The following ABCA3 variants were observed in gnomAD, a reference collection of about 807,000 sequenced individuals.
ABCA3 encodes the protein phospholipid-transporting ATPase ABCA3.
In ABCA3, 88 loss-of-function variants were observed where a neutral mutation model predicts 172.8. That is an observed-to-expected ratio of 0.51 (90% CI 0.43 to 0.61). The LOEUF (loss-of-function observed/expected upper bound fraction) is 0.61. Ranked by LOEUF, ABCA3 falls within the 20% of genes least tolerant of loss-of-function variation. The pLI is 0.00. For missense variants in ABCA3, 2,164 were observed against 2,301.0 expected (o/e 0.94, Z 1.22); for synonymous variants, 1,066 against 983.8 (o/e 1.08, Z -1.56).
chr16:2,303,871 G>A (rs1286942798), intron 12 of ABCA3, 98 bp downstream of exon 12: 3 of 1,374,138 alleles, frequency 2.2e-6, no homozygotes, highest in African/African-American at 2.9e-5. Context: ...CCACGCAGGT[G>A]CTGCATGCTG....
chr16:2,283,500 G>A lies in ABCA3; in HGVS notation c.3863-142C>T, dbSNP rs2093658270. ...CCATGGGGAGATGTGAAGGCCAGTA[G>A]GTCACAGCTGCCTCTCGAGGCACCA... On this transcript the variant is annotated intron_variant, in intron 25 of 32. Coordinates refer to ENST00000301732, the MANE Select transcript of ABCA3 (RefSeq NM_001089.3). This position sits in a 1 kb window ranked among gnomAD's most constrained non-coding sequence, Gnocchi z 5.4. 2 of 926,966 alleles carry A rather than the reference G, an allele frequency of 2.2e-6. No individual in the cohort carries two copies. The highest frequency in any genetic ancestry group is 3.3e-5 in the African/African-American group (2 of 59,890). The allele number at this position is 926,966 out of a possible 1,614,324, so 57.4% of individuals were successfully genotyped here. A position where few individuals can be genotyped will look rare whatever the true frequency, so the allele number is the denominator to read the frequency against.
At chr16:2,324,895 C>G (rs323058) in intron 5 of ABCA3, among the ~76,000 whole-genome samples, 140,484 of 152,196 alleles carry the variant, frequency 0.92, 65,890 homozygotes, top group East Asian at 1. Context: ...TGTGTTTTTA[C>G]AAATGGAGTG....
chr16:2,288,212 C>T lies in ABCA3; in HGVS notation c.2818G>A (p.Ala940Thr). 2 of 1,600,032 alleles carry T rather than the reference C, an allele frequency of 1.2e-6. No homozygotes were observed. The highest frequency in any genetic ancestry group is 1.7e-6 in the Non-Finnish European group (2 of 1,173,318). Residue 940 changes from alanine to threonine, a missense_variant, in exon 21 of 33, where the codon GCC becomes ACC. This residue lies in a region of ABCA3 where 1,343 missense variants were observed against 1,369.6 expected (regional missense o/e 0.98). Transcript: ENST00000301732. ...GAGGAGTAGTTGATGGCCAGGAGGG[C>T]CAGGGTGACGCAGGTCAGAGGCACC... is the stretch of plus-strand genomic sequence containing the variant. ...VLVPLTCVTLALLAINYSSEL... is the reference protein window; with the variant it reads ...VLVPLTCVTLTLLAINYSSEL...
intron 1 of ABCA3, among the ~76,000 whole-genome samples, chr16:2,338,007 G>A (rs1430204135): frequency 6.6e-6 from 1 of 152,190 alleles, no homozygotes; most frequent in Non-Finnish European, 1.5e-5. Flanking sequence ...CTCTGCTACT[G>A]CCTGTTTCCC....
chr16:2,326,345 C>G, intron 4 of ABCA3, 68 bp downstream of exon 4: 1 of 1,611,590 alleles, frequency 6.2e-7, no homozygotes, highest in Non-Finnish European at 8.5e-7. Context: ...CAGCCCTTCC[C>G]TCAAGGGCAT....
rs1237877043 is a variant in ABCA3 at position 2,328,006 on chromosome 16, C to T, written c.-27+447G>A. 2.6e-5 allele frequency among the ~76,000 whole-genome samples: 4 copies of T among 152,298 alleles called. No homozygotes were observed. The East Asian group carries it at 7.7e-4, about 29-fold the overall frequency. ...AAAGTGCTGGGATTATAGGCGTGAG[C>T]CACTGTGCCCAGCTGCCATTTTCAT... is the stretch of plus-strand genomic sequence containing the variant. On this transcript the variant is annotated intron_variant, in intron 3 of 32. Transcript: ENST00000301732.
chr16:2,278,292 G>A lies in ABCA3; in HGVS notation c.4714C>T (p.His1572Tyr), dbSNP rs757745444. 6.2e-7 allele frequency: 1 copy of A among 1,608,010 alleles called. No homozygotes were observed. Among genetic ancestry groups the A allele is most frequent in the Non-Finnish European group, 8.5e-7 (1 of 1,179,988 alleles). The part of the protein sequence containing the change: ...ESGKAIIITS[H>Y]SMEECEALCT... ...ACCCACAGACCCAGGCTCTACCTGTGGGAGGTGATGATGATGGCCTTGCCA... is the reference window on the plus strand; with the variant it reads ...ACCCACAGACCCAGGCTCTACCTGTAGGAGGTGATGATGATGGCCTTGCCA... The change falls in exon 30 of 33, where the codon CAC becomes TAC. Residue 1572 changes from histidine (H) to tyrosine (Y), a missense_variant. Around this residue, in one of 3 missense-constraint regions of ABCA3, gnomAD observed 795 missense variants for 881.9 expected, o/e 0.90. Coordinates refer to ENST00000301732, the MANE Select transcript of ABCA3 (RefSeq NM_001089.3). The surrounding 1 kb of genome is among the most constrained non-coding windows in gnomAD (Gnocchi z 4.4).
At chr16:2,294,354 TAGA>T (rs938497116) in intron 18 of ABCA3, among the ~76,000 whole-genome samples, 1 of 152,042 alleles carries the variant, frequency 6.6e-6, no homozygotes, top group African/African-American at 2.4e-5. Flanking sequence ...ATAAAATTAA[TAGA>T]AGAAGTCACA....
Position 2,292,160 on chromosome 16 carries a change from G to T in ABCA3, c.2493C>A (p.Thr831=), listed in dbSNP as rs1408791361. 1.2e-6 allele frequency: 2 copies of T among 1,613,692 alleles called. No individual in the cohort carries two copies. The highest frequency in any genetic ancestry group is 1.7e-6 in the Non-Finnish European group (2 of 1,179,684). The change falls in exon 19 of 33, where the codon ACC becomes ACA. Residue 831 remains threonine, a synonymous_variant. Coordinates refer to ENST00000301732, the MANE Select transcript of ABCA3 (RefSeq NM_001089.3). ...CTGACCGAAGGAAGACTTCCTCCAT[G>T]GTGGTGATGGATGCCCCAAAGCTGG... The part of the protein sequence containing the change: ...GIASFGASIT[T]MEEVFLRVGK...
intron 19 of ABCA3, among the ~76,000 whole-genome samples, chr16:2,291,352 T>C (rs1419775134): frequency 1.3e-5 from 2 of 151,880 alleles, no homozygotes; most frequent in African/African-American, 2.4e-5. Context: ...GATTTCACCA[T>C]GTTGACCAGG....
At chr16:2,280,151 A>G (rs2093652817) in intron 28 of ABCA3, among the ~76,000 whole-genome samples, 1 of 152,230 alleles carries the variant, frequency 6.6e-6, no homozygotes, top group South Asian at 2.1e-4. Context: ...CTCAGATTAC[A>G]TGTACTGGGG....
At chr16:2,289,977 AC>A (rs1164650381) in intron 19 of ABCA3, among the ~76,000 whole-genome samples, 17 of 151,318 alleles carry the variant, frequency 1.1e-4, no homozygotes, top group African/African-American at 4.1e-4. Context: ...ACACACACAC[AC>A]ACACACACAC....
chr16:2,286,306 C>T lies in ABCA3; in HGVS notation c.3278+388G>A, dbSNP rs1036673035. Among the ~76,000 whole-genome samples, 6 of 152,318 alleles carry T rather than the reference C, an allele frequency of 3.9e-5. No homozygotes were observed. The highest frequency in any genetic ancestry group is 3.4e-3 in the Middle Eastern group (1 of 294). ...CGTGCGGCCATCTGAGGAACAGGGACGGCAGTTCTTGCCAAGTCCTGCTCT... is the reference window on the plus strand; with the variant it reads ...CGTGCGGCCATCTGAGGAACAGGGATGGCAGTTCTTGCCAAGTCCTGCTCT... On this transcript the variant is annotated intron_variant, in intron 22 of 32. Transcript: ENST00000301732. This position sits in a 1 kb window ranked among gnomAD's most constrained non-coding sequence, Gnocchi z 5.2.
In ABCA3 at chr16:2,317,660, G is replaced by T; in HGVS notation, c.978C>A (p.Leu326=). The change falls in exon 9 of 33, where the codon CTC becomes CTA. Residue 326 remains leucine, a synonymous_variant. Coordinates refer to ENST00000301732, the MANE Select transcript of ABCA3 (RefSeq NM_001089.3). ...ACGCCATGCTCACCTTGACACAGAA[G>T]AGCAGGGTCATGAAGGAGGCGGCGA... is the stretch of plus-strand genomic sequence containing the variant. ...LLIAASFMTL[L]FCVKVKPNVA... 6.2e-7 allele frequency: 1 copy of T among 1,614,212 alleles called. No individual in the cohort carries two copies. The highest frequency in any genetic ancestry group is 8.5e-7 in the Non-Finnish European group (1 of 1,180,018).
chr16:2,292,057 G>T, intron 19 of ABCA3, 83 bp downstream of exon 19: 1 of 1,095,270 alleles, frequency 9.1e-7, no homozygotes, highest in Non-Finnish European at 1.4e-6. Context: ...TGGGCAACTA[G>T]AGTGAAACTC....
Position 2,308,576 on chromosome 16 carries a change from T to C in ABCA3, c.1159A>G (p.Ile387Val), listed in dbSNP as rs1163360141. 6.2e-7 allele frequency: 1 copy of C among 1,614,030 alleles called. No homozygotes were observed. The highest frequency in any genetic ancestry group is 1.3e-5 in the African/African-American group (1 of 74,912). ...CGAGGGGCCACGAAGAAGTAGGGGA[T>C]GTAGGTGAAGAAGTAGAGGAAGCCT... is the stretch of plus-strand genomic sequence containing the variant. ...FGGFLYFFTYIPYFFVAPRYN... is the reference protein window; with the variant it reads ...FGGFLYFFTYVPYFFVAPRYN... The change falls in exon 11 of 33, where the codon ATC becomes GTC. Residue 387 changes from isoleucine (I) to valine (V), a missense_variant. Around this residue, in one of 3 missense-constraint regions of ABCA3, gnomAD observed 1,343 missense variants for 1,369.6 expected, o/e 0.98. Coordinates refer to ENST00000301732, the MANE Select transcript of ABCA3 (RefSeq NM_001089.3).
In ABCA3 at chr16:2,328,411, TAAGTTCATCTCATGAACTTCAA is replaced by T. The variant is rs2093737740; in HGVS notation, c.-27+20_-27+41del. On this transcript the variant is annotated intron_variant, in intron 3 of 32. Transcript: ENST00000301732. ...GGAACACAGACACTGAACCCAGAGT[TAAGTTCATCTCATGAACTTCAA>T]GAGTTCATGAGCTGCTAACCTGCTA... 2.2e-6 allele frequency: 1 copy of T among 454,212 alleles called. No homozygotes were observed. Among genetic ancestry groups the T allele is most frequent in the Non-Finnish European group, 4.4e-6 (1 of 226,202 alleles). The allele number at this position is 454,212 out of a possible 1,614,324, so 28.1% of individuals were successfully genotyped here. A position where few individuals can be genotyped will look rare whatever the true frequency, so the allele number is the denominator to read the frequency against.
At chr16:2,292,298 C>T in intron 18 of ABCA3, 60 bp from the exon 19 acceptor site, 1 of 1,462,542 alleles carries the variant, frequency 6.8e-7, no homozygotes, top group Non-Finnish European at 9.5e-7. Context: ...TAATTTGTTC[C>T]TAAAGCATCA....
chr16:2,332,898 C>T (rs2093745779), intron 1 of ABCA3, among the ~76,000 whole-genome samples: 1 of 152,106 alleles, frequency 6.6e-6, no homozygotes, highest in South Asian at 2.1e-4. Flanking sequence ...CCTGGTGCTC[C>T]TGGGCTCAAG....
Sources: gnomAD v4.1 joint callset for allele counts (sites outside exome capture counted in the v4.1 genomes callset) on GRCh38, gnomAD v4.1.1 for gene constraint, gnomAD v4.1.1 regional missense constraint, Gnocchi (gnomAD v3.1) non-coding constraint, MANE v1.5 for transcripts, NCBI Gene and HGNC (gene_info 2026-07-23, HGNC 2026-07-21) for gene names.